ABHD6: variants seen among roughly 807,000 people sequenced by gnomAD.
ABHD6 encodes monoacylglycerol lipase ABHD6.
In ABHD6, 33 loss-of-function variants were observed where a neutral mutation model predicts 38.8. The observed-to-expected ratio is 0.85, with a 90% confidence interval of 0.64 to 1.14. The LOEUF is 1.14. ABHD6 is among the 50% of genes most tolerant of loss of function. The pLI, the probability that ABHD6 is intolerant of heterozygous loss-of-function variation, is 0.00. For missense variants in ABHD6, 380 were observed against 422.6 expected (o/e 0.90, Z 0.88); for synonymous variants, 147 against 161.6 (o/e 0.91, Z 0.69).
At chr3:58,272,113 C>G (rs1225258773) in intron 6 of ABHD6, among the ~76,000 whole-genome samples, 4 of 152,190 alleles carry the variant, frequency 2.6e-5, no homozygotes, top group African/African-American at 9.6e-5. Context: ...CTCTCTCCCT[C>G]TCCCTTTGGT....
intron 1 of ABHD6, among the ~76,000 whole-genome samples, chr3:58,249,183 C>T (rs2097428363): frequency 6.6e-6 from 1 of 152,188 alleles, no homozygotes; most frequent in African/African-American, 2.4e-5. Flanking sequence ...TTTTATGCAA[C>T]TAATACTCTT....
At position 58,293,982 on chromosome 3, in the gene ABHD6, G is replaced by A. The variant is rs2097465442; in HGVS notation, c.*217G>A. ...TTTTCACAAAATAGAAACTCATATG[G>A]AACAAAATAAGAAACCCCAGCCATG... is the stretch of plus-strand genomic sequence containing the variant. On this transcript the variant is annotated 3_prime_UTR_variant, in exon 10 of 10. Coordinates refer to ENST00000478253, the MANE Select transcript of ABHD6 (RefSeq NM_001320126.2). The surrounding 1 kb of genome is among the most constrained non-coding windows in gnomAD (Gnocchi z 4.4). The A allele has an allele frequency of 2.2e-6, 1 of 447,224 alleles. No homozygotes were observed. Among genetic ancestry groups the A allele is most frequent in the Admixed American group, 3.9e-5 (1 of 25,748 alleles). 27.7% of individuals were successfully genotyped at this position (447,224 alleles called of 1,614,324 possible).
rs577337503 is a variant in ABHD6 at position 58,267,107 on chromosome 3, T to C, written c.120-82T>C. On this transcript the variant is annotated intron_variant, in intron 3 of 9. Transcript: ENST00000478253. The surrounding 1 kb of genome is among the most constrained non-coding windows in gnomAD (Gnocchi z 4.3). ...TTGTGTTATCACTAAGGAAGACTTA[T>C]AGAGAGGACCTGTGCCCATCTTGAA... 1.2e-4 allele frequency: 173 copies of C among 1,444,344 alleles called. 3 individuals carry two copies. In the South Asian group the frequency reaches 2.0e-3, roughly 17 times the overall value. 89.5% of individuals were successfully genotyped at this position (1,444,344 alleles called of 1,614,324 possible).
chr3:58,268,395 A>G (rs1381711226), intron 4 of ABHD6, among the ~76,000 whole-genome samples: 1 of 152,030 alleles, frequency 6.6e-6, no homozygotes, highest in Non-Finnish European at 1.5e-5. Flanking sequence ...TTAGAGAAAC[A>G]GTCTTGATCT....
chr3:58,242,312 C>T (rs1486296009), intron 1 of ABHD6, among the ~76,000 whole-genome samples: 1 of 152,192 alleles, frequency 6.6e-6, no homozygotes, highest in Non-Finnish European at 1.5e-5. Flanking sequence ...AGTGAATTAG[C>T]AGAGAGGAAG....
chr3:58,286,025 GT>G (rs60835863), intron 9 of ABHD6, among the ~76,000 whole-genome samples: 105,195 of 136,692 alleles, frequency 0.77, 40,182 homozygotes, highest in East Asian at 0.99. Flanking sequence ...TTGTTCTTTT[GT>G]TTTTTTTTTT....
At chr3:58,249,185 A>C (rs2107422918) in intron 1 of ABHD6, among the ~76,000 whole-genome samples, 1 of 152,362 alleles carries the variant, frequency 6.6e-6, no homozygotes, top group African/African-American at 2.4e-5. Context: ...TTATGCAACT[A>C]ATACTCTTTG....
chr3:58,271,201 T>G, intron 6 of ABHD6, 137 bp downstream of exon 6: 1 of 941,134 alleles, frequency 1.1e-6, no homozygotes, highest in Non-Finnish European at 1.5e-6. Context: ...TACTGATAAC[T>G]CTAACCAACC....
rs1436717530 is a variant in ABHD6, at chr3:58,287,557, T to C, written c.837+2104T>C. 6.6e-6 allele frequency among the ~76,000 whole-genome samples: 1 copy of C among 152,162 alleles called. No homozygotes were observed. Among genetic ancestry groups the C allele is most frequent in the African/African-American group, 2.4e-5 (1 of 41,428 alleles). ...GAGAAGGGGATCTCATGTGCTCTCT[T>C]CTGCAGCGCCAAGGGACTGAAAGAA... On this transcript the variant is annotated intron_variant, in intron 9 of 9. Coordinates refer to ENST00000478253, the MANE Select transcript of ABHD6 (RefSeq NM_001320126.2). This position sits in a 1 kb window ranked among gnomAD's most constrained non-coding sequence, Gnocchi z 4.7.
intron 7 of ABHD6, among the ~76,000 whole-genome samples, chr3:58,283,428 G>GT (rs1467899682): frequency 6.6e-6 from 1 of 152,210 alleles, no homozygotes; most frequent in East Asian, 1.9e-4. Context: ...GCACGTCTGT[G>GT]TCTTCCACTA....
In ABHD6 at chr3:58,287,671, A is replaced by T. The variant is rs2097458517; in HGVS notation, c.837+2218A>T. ...AGCGAAGGCCTTCTGTTGTTCTAAA[A>T]ACCCCAAAGGTGATTTGGGGCTCTC... On this transcript the variant is annotated intron_variant, in intron 9 of 9. Transcript: ENST00000478253. This position sits in a 1 kb window ranked among gnomAD's most constrained non-coding sequence, Gnocchi z 4.7. 6.6e-6 allele frequency among the ~76,000 whole-genome samples: 1 copy of T among 152,202 alleles called. No homozygotes were observed. Among genetic ancestry groups the T allele is most frequent in the Non-Finnish European group, 1.5e-5 (1 of 68,038 alleles).
intron 3 of ABHD6, among the ~76,000 whole-genome samples, chr3:58,264,916 C>T (rs1340593476): frequency 6.6e-6 from 1 of 152,116 alleles, no homozygotes; most frequent in Non-Finnish European, 1.5e-5. Context: ...TCCAGTTACA[C>T]TCTTCAAGTT....
At chr3:58,239,641 T>C (rs2097421458) in intron 1 of ABHD6, among the ~76,000 whole-genome samples, 1 of 152,176 alleles carries the variant, frequency 6.6e-6, no homozygotes, top group Non-Finnish European at 1.5e-5. Flanking sequence ...TTTTAAAATG[T>C]GTGACCTTTG....
At chr3:58,241,842 T>C (rs1044751390) in intron 1 of ABHD6, among the ~76,000 whole-genome samples, 2 of 152,192 alleles carry the variant, frequency 1.3e-5, no homozygotes, top group African/African-American at 4.8e-5. Flanking sequence ...CTGTCACTGC[T>C]TTGAACAGTT....
At position 58,267,444 on chromosome 3, in the gene ABHD6, T is replaced by G. The variant is rs748942560; in HGVS notation, c.276+99T>G. 26 of 1,476,716 alleles carry G rather than the reference T, an allele frequency of 1.8e-5. No individual in the cohort carries two copies. The highest frequency in any genetic ancestry group is 2.4e-5 in the Non-Finnish European group (26 of 1,077,524). The allele number at this position is 1,476,716 out of a possible 1,614,324, so 91.5% of individuals were successfully genotyped here. On this transcript the variant is annotated intron_variant, in intron 4 of 9. Transcript: ENST00000478253. This position sits in a 1 kb window ranked among gnomAD's most constrained non-coding sequence, Gnocchi z 4.3. The stretch of plus-strand genomic sequence containing the variant: ...CTTTGGGAGCCTGAGGCAGGAGGAT[T>G]GCTTGAGTCCAGGAGTTCAAAACCA...
chr3:58,257,668 C>T lies in ABHD6; in HGVS notation c.119+963C>T, dbSNP rs1479011566. On this transcript the variant is annotated intron_variant, in intron 3 of 9. Coordinates refer to ENST00000478253, the MANE Select transcript of ABHD6 (RefSeq NM_001320126.2). The surrounding 1 kb of genome is among the most constrained non-coding windows in gnomAD (Gnocchi z 4.8). Reference sequence around the variant, plus strand: ...GTGAGCCACTGCGCCTGGCCTTCATCATTGGATTCTGACCCTGTGATGTCC... The same window carrying T: ...GTGAGCCACTGCGCCTGGCCTTCATTATTGGATTCTGACCCTGTGATGTCC... 1.3e-5 allele frequency among the ~76,000 whole-genome samples: 2 copies of T among 152,030 alleles called. No homozygotes were observed. The highest frequency in any genetic ancestry group is 2.9e-5 in the Non-Finnish European group (2 of 67,954).
At chr3:58,271,841 T>C (rs1227971724) in intron 6 of ABHD6, among the ~76,000 whole-genome samples, 1 of 134,074 alleles carries the variant, frequency 7.5e-6, no homozygotes, top group African/African-American at 2.7e-5. Context: ...CATGGCTCAC[T>C]GCAGCCTTGA....
chr3:58,270,896 T>C (rs1302234794), intron 5 of ABHD6, 36 bp from the exon 6 acceptor site: 2 of 1,576,320 alleles, frequency 1.3e-6, no homozygotes, highest in Admixed American at 3.7e-5. Flanking sequence ...TGTCTACAGC[T>C]GTATAACCAA....
At position 58,273,838 on chromosome 3, in the gene ABHD6, C is replaced by T. The variant is rs997559343; in HGVS notation, c.524-820C>T. On this transcript the variant is annotated intron_variant, in intron 6 of 9. Transcript: ENST00000478253. This position sits in a 1 kb window ranked among gnomAD's most constrained non-coding sequence, Gnocchi z 4.8. ...GCAAACCACCGTGGCACATGTATACCTATGTAACAAACCTGCACGTTCTGC... is the reference window on the plus strand; with the variant it reads ...GCAAACCACCGTGGCACATGTATACTTATGTAACAAACCTGCACGTTCTGC... 6.6e-6 allele frequency among the ~76,000 whole-genome samples: 1 copy of T among 151,994 alleles called. No homozygotes were observed. The highest frequency in any genetic ancestry group is 2.4e-5 in the African/African-American group (1 of 41,376).
Sources: allele counts gnomAD v4.1 joint callset (sites outside exome capture counted in the v4.1 genomes callset), GRCh38; gene constraint gnomAD v4.1.1; non-coding constraint Gnocchi (gnomAD v3.1); transcripts MANE v1.5; gene names NCBI Gene and HGNC (gene_info 2026-07-23, HGNC 2026-07-21).